The following BBS9 variants were observed in gnomAD, a reference collection of about 807,000 sequenced individuals.
BBS9 encodes protein PTHB1.
A neutral mutation model predicts 117.7 loss-of-function variants in BBS9; 89 were observed. The ratio of observed to expected loss-of-function variants is 0.76; its 90% CI spans 0.64 to 0.90. The LOEUF is 0.90. BBS9 is among the 40% of genes least tolerant of loss of function. The pLI, the probability that BBS9 is intolerant of heterozygous loss-of-function variation, is 0.00. For synonymous variants in BBS9, 379 were observed against 370.9 expected, an observed-to-expected ratio of 1.02 and a Z score of -0.25; for missense variants, 982 against 1,042.2, an observed-to-expected ratio of 0.94 and a Z score of 0.80.
intron 9 of BBS9, among the ~76,000 whole-genome samples, chr7:33,299,951 A>G (rs1328398842): frequency 6.6e-6 from 1 of 152,166 alleles, no homozygotes; most frequent in African/African-American, 2.4e-5. Flanking sequence ...TTGGCAGCAA[A>G]TAGATGTTCA....
At chr7:33,404,398 G>T (rs1176369279) in intron 19 of BBS9, among the ~76,000 whole-genome samples, 2 of 152,248 alleles carry the variant, frequency 1.3e-5, no homozygotes, top group East Asian at 1.9e-4. Flanking sequence ...TTGGTAGCTT[G>T]ATGGGGATGG....
intron 5 of BBS9, among the ~76,000 whole-genome samples, chr7:33,216,562 G>A (rs753259399): frequency 9.2e-5 from 14 of 152,026 alleles, no homozygotes; most frequent in East Asian, 1.9e-4. Context: ...AGAAATCTAC[G>A]GGAAGTATAA....
At chr7:33,148,619 T>A (rs1243354110) in intron 2 of BBS9, among the ~76,000 whole-genome samples, 2 of 151,196 alleles carry the variant, frequency 1.3e-5, no homozygotes, top group Admixed American at 1.3e-4. Context: ...TGCCTCGGCC[T>A]CACAAAGTGC....
intron 2 of BBS9, among the ~76,000 whole-genome samples, chr7:33,151,850 CTTTTTTTTT>C (rs11346140): frequency 1.2e-5 from 1 of 82,352 alleles, no homozygotes; most frequent in South Asian, 5.2e-4. Context: ...TGCACCCAGC[CTTTTTTTTT>C]TTTTTTTTTT....
chr7:33,207,622 T>A lies in BBS9; in HGVS notation c.442+30031T>A, dbSNP rs1255883619. Among the ~76,000 whole-genome samples, 5 of 151,936 alleles carry A rather than the reference T, an allele frequency of 3.3e-5. No individual in the cohort carries two copies. The East Asian group carries it at 9.8e-4, about 30-fold the overall frequency. ...TCTGATACCTATCCTGCTGCAGCCA[T>A]CTATATAGTATTAGAGACCAAGATA... On this transcript the variant is annotated intron_variant, in intron 5 of 22. Transcript: ENST00000242067.
Position 33,535,882 on chromosome 7 carries a change from C to T in BBS9, c.2521+1706C>T, listed in dbSNP as rs148219640. 4.7e-4 allele frequency among the ~76,000 whole-genome samples: 72 copies of T among 152,242 alleles called. No homozygotes were observed. In the East Asian group the frequency reaches 0.014, roughly 29 times the overall value. ...GATTACCTGTGAGTTCAGGCTGCAG[C>T]AGCCCCAAATTCTCTTCTCAGGTCC... On this transcript the variant is annotated intron_variant, in intron 21 of 22. Coordinates refer to ENST00000242067, the MANE Select transcript of BBS9 (RefSeq NM_198428.3).
chr7:33,295,156 C>T (rs1387462510), intron 9 of BBS9, among the ~76,000 whole-genome samples: 1 of 152,138 alleles, frequency 6.6e-6, no homozygotes, highest in African/African-American at 2.4e-5. Context: ...CATACGTATT[C>T]TACCTATTCA....
At chr7:33,323,833 CTTTTTTTT>C in intron 9 of BBS9, among the ~76,000 whole-genome samples, 1 of 105,168 alleles carries the variant, frequency 9.5e-6, no homozygotes, top group South Asian at 2.9e-4. Context: ...TCCTGTCTTC[CTTTTTTTT>C]TTTTTTTTTT....
chr7:33,405,759 C>T (rs1450067525), intron 19 of BBS9, among the ~76,000 whole-genome samples: 463 of 152,060 alleles, frequency 3.0e-3, no homozygotes, highest in African/African-American at 0.01. Flanking sequence ...GTCTTGCTAG[C>T]GGTCTATCAA....
At chr7:33,540,696 T>G (rs1266457350) in intron 21 of BBS9, among the ~76,000 whole-genome samples, 2 of 152,218 alleles carry the variant, frequency 1.3e-5, no homozygotes, top group African/African-American at 2.4e-5. Context: ...ATTAATTTTT[T>G]TCAAAAGGAA....
At chr7:33,617,815 C>T (rs2129220078) in intron 21 of BBS9, among the ~76,000 whole-genome samples, 1 of 152,088 alleles carries the variant, frequency 6.6e-6, no homozygotes, top group African/African-American at 2.4e-5. Context: ...ATCAGAGAGC[C>T]CAAAGACAAG....
chr7:33,313,718 T>C (rs1809830429), intron 9 of BBS9, among the ~76,000 whole-genome samples: 1 of 152,214 alleles, frequency 6.6e-6, no homozygotes, highest in African/African-American at 2.4e-5. Flanking sequence ...TCCATTTTAC[T>C]TGTCCTTTTC....
At chr7:33,296,919 CCAGTAACATTTA>C (rs2128415004) in intron 9 of BBS9, among the ~76,000 whole-genome samples, 1 of 152,214 alleles carries the variant, frequency 6.6e-6, no homozygotes, top group South Asian at 2.1e-4. Flanking sequence ...GGTTTAGGTG[CCAGTAACATTTA>C]CTCTTCAAAG....
At chr7:33,635,224 C>T (rs1451257950) in exon 22 of BBS9, among the ~76,000 whole-genome samples, 1 of 88,384 alleles carries the variant, frequency 1.1e-5, no homozygotes, top group Non-Finnish European at 3.4e-5. Flanking sequence ...AAGAATACCC[C>T]ACTCCCTGAG....
chr7:33,288,463 G>T (rs981053451), intron 9 of BBS9, among the ~76,000 whole-genome samples: 1 of 152,144 alleles, frequency 6.6e-6, no homozygotes, highest in African/African-American at 2.4e-5. Context: ...ATTCGTTAAC[G>T]TTGAATAATG....
chr7:33,583,659 A>G (rs1585358785), intron 21 of BBS9, among the ~76,000 whole-genome samples: 1 of 152,178 alleles, frequency 6.6e-6, no homozygotes, highest in Non-Finnish European at 1.5e-5. Context: ...GGTATTTGAG[A>G]GCTAGGGCTT....
At chr7:33,431,351 C>T (rs543052261) in intron 19 of BBS9, among the ~76,000 whole-genome samples, 55 of 152,232 alleles carry the variant, frequency 3.6e-4, no homozygotes, top group African/African-American at 1.3e-3. Flanking sequence ...CTTTTTTGAA[C>T]TTCCAGCCTT....
chr7:33,227,400 A>T (rs569710932), intron 5 of BBS9, among the ~76,000 whole-genome samples: 2 of 152,096 alleles, frequency 1.3e-5, no homozygotes, highest in East Asian at 3.9e-4. Flanking sequence ...CCCTGCCTTG[A>T]TCCTCCAAAG....
At chr7:33,318,684 G>T (rs1468667490) in intron 9 of BBS9, among the ~76,000 whole-genome samples, 1 of 152,074 alleles carries the variant, frequency 6.6e-6, no homozygotes, top group Non-Finnish European at 1.5e-5. Flanking sequence ...CCTATAATCT[G>T]AGCAGTATAC....
Sources: allele counts gnomAD v4.1 joint callset (sites outside exome capture counted in the v4.1 genomes callset), GRCh38; gene constraint gnomAD v4.1.1; transcripts MANE v1.5; gene names NCBI Gene and HGNC (gene_info 2026-07-23, HGNC 2026-07-21).